Variants in LRP1B observed in about 807,000 individuals in gnomAD.
LRP1B encodes the protein low-density lipoprotein receptor-related protein 1B.
In LRP1B, 217 loss-of-function variants were observed where a neutral mutation model predicts 556.6. The observed-to-expected ratio is 0.39, with a 90% confidence interval of 0.35 to 0.44. The LOEUF (loss-of-function observed/expected upper bound fraction) is 0.44, where lower values mean the gene tolerates loss of function less well. Among genes scored for constraint, LRP1B ranks in the 20% least tolerant of loss-of-function variants. The probability of loss-of-function intolerance (pLI) is 1.00; values close to 1 mark genes in which losing one functional copy is unlikely to be tolerated. For missense variants in LRP1B, 5,053 were observed against 5,620.8 expected, an observed-to-expected ratio of 0.90 and a Z score of 3.23; for synonymous variants, 2,047 against 1,865.8, an observed-to-expected ratio of 1.10 and a Z score of -2.50.
intron 77 of LRP1B, among the ~76,000 whole-genome samples, chr2:140,349,721 T>C (rs964715967): frequency 1.3e-5 from 2 of 152,026 alleles, no homozygotes; most frequent in African/African-American, 2.4e-5. Flanking sequence ...AGAAGCAATG[T>C]TTTCAACAAG....
At chr2:141,823,072 A>C (rs565931229) in intron 1 of LRP1B, among the ~76,000 whole-genome samples, 1 of 152,214 alleles carries the variant, frequency 6.6e-6, no homozygotes, top group East Asian at 1.9e-4. Context: ...ACTTTCCACT[A>C]TGGAAACAGG....
intron 2 of LRP1B, among the ~76,000 whole-genome samples, chr2:141,706,817 C>G (rs1558817552): frequency 6.6e-6 from 1 of 152,018 alleles, no homozygotes. Context: ...TTCATTACAT[C>G]TACAAATTAA....
At position 141,578,984 on chromosome 2, in the gene LRP1B, C is replaced by T. The variant is rs532976214; in HGVS notation, c.206-98451G>A. 6.2e-4 allele frequency among the ~76,000 whole-genome samples: 95 copies of T among 152,244 alleles called. 1 individual carries two copies. The highest frequency in any genetic ancestry group is 1.8e-3 in the African/African-American group (76 of 41,544). On this transcript the variant is annotated intron_variant, in intron 2 of 90. Transcript: ENST00000389484. ...GATCAGTCCCAGGAGATCCTCTTTA[C>T]GGTGTATTCATGAAACAATACAGAT...
At chr2:141,916,348 C>CTTATTTACTTATTTAT (rs1700031267) in intron 1 of LRP1B, among the ~76,000 whole-genome samples, 1 of 141,838 alleles carries the variant, frequency 7.1e-6, no homozygotes, top group South Asian at 2.3e-4. Flanking sequence ...CACGTTTTCA[C>CTTATTTACTTATTTAT]TTATTTATTT....
At chr2:141,550,835 C>A (rs980861000) in intron 2 of LRP1B, among the ~76,000 whole-genome samples, 3 of 152,086 alleles carry the variant, frequency 2.0e-5, no homozygotes, top group Non-Finnish European at 4.4e-5. Flanking sequence ...AACAAGTCCT[C>A]ATCTACTTTT....
intron 7 of LRP1B, among the ~76,000 whole-genome samples, chr2:141,119,954 A>G (rs771986489): frequency 5.3e-5 from 8 of 151,924 alleles, no homozygotes; most frequent in Non-Finnish European, 1.0e-4. Flanking sequence ...ATGATTATCA[A>G]AAATACTTTT....
At chr2:141,669,168 A>T (rs2105409254) in intron 2 of LRP1B, among the ~76,000 whole-genome samples, 1 of 152,254 alleles carries the variant, frequency 6.6e-6, no homozygotes, top group African/African-American at 2.4e-5. Context: ...GGCTTTGAAG[A>T]GGTCATTAAA....
intron 7 of LRP1B, among the ~76,000 whole-genome samples, chr2:141,109,349 A>T (rs1700691579): frequency 6.6e-6 from 1 of 152,164 alleles, no homozygotes; most frequent in Non-Finnish European, 1.5e-5. Flanking sequence ...CCCTTTCTTA[A>T]TAAATAGGCT....
At chr2:141,112,303 T>C (rs1006429364) in intron 7 of LRP1B, among the ~76,000 whole-genome samples, 5 of 152,142 alleles carry the variant, frequency 3.3e-5, no homozygotes, top group Admixed American at 6.5e-5. Flanking sequence ...AGCAGGACAA[T>C]GTTCTGCCTT....
At chr2:140,705,521 C>CAAAAAAAAAAAAAAAA (rs565447198) in intron 37 of LRP1B, among the ~76,000 whole-genome samples, 1 of 68,228 alleles carries the variant, frequency 1.5e-5, no homozygotes, top group African/African-American at 6.9e-5. Flanking sequence ...GAGACTGTCT[C>CAAAAAAAAAAAAAAAA]AAAAAAAAAA....
intron 3 of LRP1B, among the ~76,000 whole-genome samples, chr2:141,262,702 T>G (rs1402480418): frequency 6.6e-6 from 1 of 152,166 alleles, no homozygotes; most frequent in Non-Finnish European, 1.5e-5. Context: ...TTTGTACCTT[T>G]GTCAAAAATG....
chr2:140,658,760 G>A (rs1381672244), intron 41 of LRP1B, among the ~76,000 whole-genome samples: 1 of 152,016 alleles, frequency 6.6e-6, no homozygotes, highest in Non-Finnish European at 1.5e-5. Context: ...TGCGGGTTCT[G>A]TATGAACCTT....
intron 2 of LRP1B, among the ~76,000 whole-genome samples, chr2:141,726,464 G>A (rs965900117): frequency 3.9e-5 from 6 of 151,958 alleles, no homozygotes; most frequent in African/African-American, 1.2e-4. Flanking sequence ...GGGCATAACA[G>A]TTGGTTAATT....
At chr2:140,244,059 C>T (rs1462578804) in intron 87 of LRP1B, among the ~76,000 whole-genome samples, 2 of 151,202 alleles carry the variant, frequency 1.3e-5, no homozygotes, top group Admixed American at 6.6e-5. Context: ...ACCTCAGCTT[C>T]ATGAGAAGAA....
intron 11 of LRP1B, among the ~76,000 whole-genome samples, chr2:141,033,680 G>A (rs1206330820): frequency 6.6e-6 from 1 of 152,032 alleles, no homozygotes. Context: ...CCTTCTAAGA[G>A]GAAGAGGCCA....
At chr2:141,988,373 T>C (rs1702259011) in intron 1 of LRP1B, among the ~76,000 whole-genome samples, 1 of 151,902 alleles carries the variant, frequency 6.6e-6, no homozygotes, top group South Asian at 2.1e-4. Context: ...TGGCAACTTA[T>C]ATTTAGCAGA....
chr2:141,481,893 A>C (rs1361284449), intron 2 of LRP1B, among the ~76,000 whole-genome samples: 1 of 152,162 alleles, frequency 6.6e-6, no homozygotes, highest in Admixed American at 6.5e-5. Context: ...TATCATAGTT[A>C]AGTAAAAAAT....
At position 140,536,716 on chromosome 2, in the gene LRP1B, G is replaced by GAAAA; in HGVS notation, c.7514-11_7514-8dup. On this transcript the variant is annotated splice_region_variant and splice_polypyrimidine_tract_variant and intron_variant, in intron 45 of 90. Transcript: ENST00000389484. Reference sequence around the variant, plus strand: ...TTGCAGGAGGAATTTTTAGCTGCAAGAAAAAAAAAAAAAGTCAATACTTTT... The same window carrying GAAAA: ...TTGCAGGAGGAATTTTTAGCTGCAAGAAAAAAAAAAAAAAAAAGTCAATACTTTT... The GAAAA allele has an allele frequency of 2.4e-6, 3 of 1,253,902 alleles. No individual in the cohort carries two copies. The highest frequency in any genetic ancestry group is 1.5e-5 in the South Asian group (1 of 66,614). 77.7% of individuals were successfully genotyped at this position (1,253,902 alleles called of 1,614,324 possible).
chr2:140,267,866 G>T (rs1434173990), intron 86 of LRP1B, among the ~76,000 whole-genome samples: 2 of 151,814 alleles, frequency 1.3e-5, no homozygotes, highest in African/African-American at 4.8e-5. Context: ...ATTTTTTCCT[G>T]GTTGTGTTTA....
Sources: gnomAD v4.1 joint callset for allele counts (sites outside exome capture counted in the v4.1 genomes callset) on GRCh38, gnomAD v4.1.1 for gene constraint, MANE v1.5 for transcripts, NCBI Gene and HGNC (gene_info 2026-07-23, HGNC 2026-07-21) for gene names.